Variants in FRMPD4 observed in about 807,000 individuals in gnomAD.
FRMPD4 encodes the protein FERM and PDZ domain-containing protein 4.
In FRMPD4, 22 loss-of-function variants were observed where a neutral mutation model predicts 94.1. That is an observed-to-expected ratio of 0.23 (90% CI 0.17 to 0.33). FRMPD4 has a LOEUF of 0.33. Among genes scored for constraint, FRMPD4 ranks in the 10% least tolerant of loss-of-function variants. The pLI is 1.00. For synonymous variants in FRMPD4, 631 were observed against 548.6 expected (o/e 1.15, Z -2.10); for missense variants, 1,111 against 1,339.9 (o/e 0.83, Z 2.67).
chrX:12,540,328 C>A (rs1374196760), intron 2 of FRMPD4, among the ~76,000 whole-genome samples: 1 of 111,572 alleles, frequency 9.0e-6, no homozygotes, highest in Non-Finnish European at 1.9e-5. Context: ...CATCAGTGTG[C>A]CGTATTCAGG....
intron 1 of FRMPD4, among the ~76,000 whole-genome samples, chrX:12,477,078 A>G (rs1352041117): frequency 1.8e-5 from 2 of 112,258 alleles, no homozygotes; most frequent in Non-Finnish European, 3.8e-5. Flanking sequence ...ACGATAGACT[A>G]GGTTAAGAAA....
At chrX:12,030,302 C>T (rs534990218) in intron 3 of FRMPD4, among the ~76,000 whole-genome samples, 2 of 112,122 alleles carry the variant, frequency 1.8e-5, no homozygotes, top group Admixed American at 1.9e-4. Context: ...AGCATTAACA[C>T]CCCACAGTAA....
intron 1 of FRMPD4, among the ~76,000 whole-genome samples, chrX:12,462,451 C>T (rs1386233221): frequency 9.0e-6 from 1 of 111,584 alleles, no homozygotes; most frequent in Non-Finnish European, 1.9e-5. Context: ...AATTTATGGA[C>T]TCTGCCCTGG....
At chrX:11,866,146 A>T (rs926864510) in intron 2 of FRMPD4, among the ~76,000 whole-genome samples, 1 of 111,615 alleles carries the variant, frequency 9.0e-6, no homozygotes, top group Non-Finnish European at 1.9e-5. Flanking sequence ...TACTTTCCTT[A>T]TAGGGAATCC....
At chrX:12,682,126 TGTC>T (rs916592738) in intron 5 of FRMPD4, among the ~76,000 whole-genome samples, 1 of 112,670 alleles carries the variant, frequency 8.9e-6, no homozygotes, top group Non-Finnish European at 1.9e-5. Context: ...TTGTAGCATG[TGTC>T]AGAACTTCAT....
At chrX:12,619,372 G>T (rs193236826) in intron 4 of FRMPD4, among the ~76,000 whole-genome samples, 21 of 111,762 alleles carry the variant, frequency 1.9e-4, no homozygotes, top group Admixed American at 1.2e-3. Flanking sequence ...CATTAACAAG[G>T]TGGCAAAATG....
At chrX:12,346,354 A>G (rs1005446457) in intron 1 of FRMPD4, among the ~76,000 whole-genome samples, 1 of 110,600 alleles carries the variant, frequency 9.0e-6, no homozygotes, top group Non-Finnish European at 1.9e-5. Context: ...AAATTGTTAT[A>G]TTGGGGGATT....
At position 12,226,443 on chromosome X, in the gene FRMPD4, A is replaced by G. The variant is rs557905193; in HGVS notation, c.41+87431A>G. Among the ~76,000 whole-genome samples, 12 of 112,004 alleles carry G rather than the reference A, an allele frequency of 1.1e-4. No homozygotes were observed. In the South Asian group the frequency reaches 4.1e-3, roughly 39 times the overall value. Reference sequence around the variant, plus strand: ...TTGAATTTTTTTCTAGTTTAACTTCATAATCTGCATTTAGGTCTCAATTCC... The same window carrying G: ...TTGAATTTTTTTCTAGTTTAACTTCGTAATCTGCATTTAGGTCTCAATTCC... On this transcript the variant is annotated intron_variant, in intron 1 of 16. Transcript: ENST00000675598.
Position 12,138,520 on chromosome X carries a change from C to A in FRMPD4, c.-452C>A. 1 of 205,646 alleles carries A rather than the reference C, an allele frequency of 4.9e-6. No homozygotes were observed. The allele number at this position is 205,646 out of a possible 1,213,427, so 16.9% of individuals were successfully genotyped here. A position where few individuals can be genotyped will look rare whatever the true frequency, so the allele number is the denominator to read the frequency against. On this transcript the variant is annotated 5_prime_UTR_variant, in exon 1 of 17. Coordinates refer to ENST00000675598, the MANE Select transcript of FRMPD4 (RefSeq NM_001368397.1). ...CGTGCGCGTGTGCCCAGCTCGCCTG[C>A]CGTCTCCCGGCTCCGTCTGCGCTCC...
At chrX:12,019,041 CTG>C (rs1294203445) in intron 3 of FRMPD4, among the ~76,000 whole-genome samples, 1 of 111,701 alleles carries the variant, frequency 9.0e-6, no homozygotes, top group Non-Finnish European at 1.9e-5. Context: ...TGTTCAAACA[CTG>C]TATTATTTTC....
intron 1 of FRMPD4, among the ~76,000 whole-genome samples, chrX:12,458,419 C>T (rs1295201180): frequency 8.9e-6 from 1 of 111,955 alleles, no homozygotes; most frequent in Non-Finnish European, 1.9e-5. Context: ...TAATCTATCA[C>T]TGGGTAACCA....
At chrX:12,112,117 C>T (rs755913434) in intron 3 of FRMPD4, among the ~76,000 whole-genome samples, 1 of 111,960 alleles carries the variant, frequency 8.9e-6, no homozygotes, top group African/African-American at 3.2e-5. Flanking sequence ...CACATGCACA[C>T]GTATGTTTAT....
intron 1 of FRMPD4, among the ~76,000 whole-genome samples, chrX:12,148,088 C>A (rs1226314961): frequency 8.9e-6 from 1 of 111,850 alleles, no homozygotes; most frequent in Non-Finnish European, 1.9e-5. Context: ...CAGTAGCCTG[C>A]AAGTGTTCAA....
At chrX:12,274,555 T>G (rs973103741) in intron 1 of FRMPD4, among the ~76,000 whole-genome samples, 28 of 112,540 alleles carry the variant, frequency 2.5e-4, no homozygotes, top group Non-Finnish European at 4.3e-4. Context: ...GTTTCATATT[T>G]TCCTGCATTA....
In FRMPD4 at chrX:12,440,076, A is replaced by C. The variant is rs1211896209; in HGVS notation, c.42-58604A>C. Among the ~76,000 whole-genome samples the C allele has an allele frequency of 3.6e-5, 4 of 111,932 alleles. No individual in the cohort carries two copies. The East Asian group carries it at 1.1e-3, about 31-fold the overall frequency. On this transcript the variant is annotated intron_variant, in intron 1 of 16. Transcript: ENST00000675598. Reference sequence around the variant, plus strand: ...CTATAAAATGGAAGTAATTATCTCAATGGATTGCTTTGAGGGTCTGATATA... The same window carrying C: ...CTATAAAATGGAAGTAATTATCTCACTGGATTGCTTTGAGGGTCTGATATA...
chrX:12,505,502 C>T (rs187369563), intron 2 of FRMPD4, among the ~76,000 whole-genome samples: 269 of 110,683 alleles, frequency 2.4e-3, no homozygotes, highest in Non-Finnish European at 4.0e-3. Context: ...CTGAGGTGGG[C>T]GGATCACCTG....
intron 2 of FRMPD4, among the ~76,000 whole-genome samples, chrX:12,591,124 CT>C (rs2058978705): frequency 9.0e-6 from 1 of 111,632 alleles, no homozygotes; most frequent in Non-Finnish European, 1.9e-5. Context: ...AACTTAAATA[CT>C]AATAGCCTAC....
At position 12,536,268 on chromosome X, in the gene FRMPD4, G is replaced by A. The variant is rs1386829410; in HGVS notation, c.158+37472G>A. Among the ~76,000 whole-genome samples the A allele has an allele frequency of 1.9e-4, 21 of 109,604 alleles. No individual in the cohort carries two copies. The Admixed American group carries it at 2.1e-3, about 11-fold the overall frequency. On this transcript the variant is annotated intron_variant, in intron 2 of 16. Coordinates refer to ENST00000675598, the MANE Select transcript of FRMPD4 (RefSeq NM_001368397.1). ...TGCTCCAGAAGGTAGCATAGTGCCTGTAAGTGAACTTTATATTCAGCATTG... is the reference window on the plus strand; with the variant it reads ...TGCTCCAGAAGGTAGCATAGTGCCTATAAGTGAACTTTATATTCAGCATTG...
intron 1 of FRMPD4, among the ~76,000 whole-genome samples, chrX:12,470,489 T>C (rs757309939): frequency 2.7e-5 from 3 of 112,105 alleles, no homozygotes; most frequent in African/African-American, 6.5e-5. Context: ...CTAACGAACA[T>C]TGCTGATTAA....
Sources: gnomAD v4.1 joint callset for allele counts (sites outside exome capture counted in the v4.1 genomes callset) on GRCh38, gnomAD v4.1.1 for gene constraint, MANE v1.5 for transcripts, NCBI Gene and HGNC (gene_info 2026-07-23, HGNC 2026-07-21) for gene names.